RORA: variants seen among roughly 807,000 people sequenced by gnomAD.
RORA encodes RAR related orphan receptor A.
In RORA, 7 loss-of-function variants were observed where a neutral mutation model predicts 69.5. The ratio of observed to expected loss-of-function variants is 0.10; its 90% CI spans 0.06 to 0.19. The LOEUF is 0.19. RORA is among the 10% of genes least tolerant of loss of function. The pLI is 1.00. For synonymous variants in RORA, 261 were observed against 240.8 expected (o/e 1.08, Z -0.78); for missense variants, 457 against 663.0 (o/e 0.69, Z 3.41).
intron 1 of RORA, among the ~76,000 whole-genome samples, chr15:61,164,617 GC>G (rs1258656992): frequency 6.6e-6 from 1 of 152,184 alleles, no homozygotes; most frequent in Non-Finnish European, 1.5e-5. Flanking sequence ...CTCCAGCAAA[GC>G]CCTTTCCTCC....
At chr15:60,962,004 T>C (rs1171706412) in intron 1 of RORA, among the ~76,000 whole-genome samples, 1 of 152,210 alleles carries the variant, frequency 6.6e-6, no homozygotes, top group East Asian at 1.9e-4. Flanking sequence ...CAGATTCTGT[T>C]GGAACATTGA....
At chr15:60,732,703 C>T (rs1038018698) in intron 1 of RORA, among the ~76,000 whole-genome samples, 12 of 152,006 alleles carry the variant, frequency 7.9e-5, no homozygotes. Context: ...TGTACACACA[C>T]CCCCCTTTAC....
In RORA at chr15:61,218,417, T is replaced by A. The variant is rs145513844; in HGVS notation, c.166+10636A>T. ...TGACCCATCCTGAAACACTGAGATGTTCTGTGTAACATACTAAGTTCAGAA... is the reference window on the plus strand; with the variant it reads ...TGACCCATCCTGAAACACTGAGATGATCTGTGTAACATACTAAGTTCAGAA... On this transcript the variant is annotated intron_variant, in intron 1 of 10. Transcript: ENST00000335670. 1.3e-3 allele frequency among the ~76,000 whole-genome samples: 200 copies of A among 152,272 alleles called. 1 individual carries two copies. The highest frequency in any genetic ancestry group is 4.7e-3 in the African/African-American group (196 of 41,538).
At chr15:61,101,724 G>A (rs985120709) in intron 1 of RORA, among the ~76,000 whole-genome samples, 4 of 151,996 alleles carry the variant, frequency 2.6e-5, no homozygotes, top group Non-Finnish European at 2.9e-5. Flanking sequence ...GTGCATTTCC[G>A]AAAGGACATT....
chr15:61,007,678 A>G (rs143358403), intron 1 of RORA, among the ~76,000 whole-genome samples: 1 of 150,366 alleles, frequency 6.7e-6, no homozygotes, highest in Non-Finnish European at 1.5e-5. Flanking sequence ...AAGATTTTTA[A>G]GCATAAAAAT....
rs200215973 is a variant in RORA at position 60,511,480 on chromosome 15, G to A, written c.566C>T (p.Ser189Leu). ...AEPLTPTYNISANGLTELHDD... is the reference protein window; with the variant it reads ...AEPLTPTYNILANGLTELHDD... The stretch of plus-strand genomic sequence containing the variant: ...GTGAAGTTCCGTCAGCCCGTTGGCC[G>A]AGATGTTGTAGGTGGGCGTCAGCGG... Residue 189 changes from serine (S) to leucine (L), a missense_variant, in exon 5 of 11, where the codon TCG becomes TTG. Physicochemically the swap from Ser to Leu is moderately radical, Grantham distance 145 (BLOSUM62 -2). Around this residue, in one of 3 missense-constraint regions of RORA, gnomAD observed 304 missense variants for 447.4 expected, o/e 0.68. Transcript: ENST00000335670. The surrounding 1 kb of genome is among the most constrained non-coding windows in gnomAD (Gnocchi z 6.4). The A allele has an allele frequency of 1.2e-5, 19 of 1,614,058 alleles. No individual in the cohort carries two copies. The highest frequency in any genetic ancestry group is 3.3e-4 in the Middle Eastern group (2 of 6,084).
At chr15:60,756,481 G>A (rs903991414) in intron 1 of RORA, among the ~76,000 whole-genome samples, 2 of 152,154 alleles carry the variant, frequency 1.3e-5, no homozygotes, top group African/African-American at 4.8e-5. Context: ...ATATGTCAAA[G>A]TATTCTTCAC....
At chr15:60,894,130 A>G (rs964744495) in intron 1 of RORA, among the ~76,000 whole-genome samples, 1 of 152,146 alleles carries the variant, frequency 6.6e-6, no homozygotes, top group African/African-American at 2.4e-5. Flanking sequence ...TCCACCAGCC[A>G]CGCGGCCCGC....
intron 1 of RORA, among the ~76,000 whole-genome samples, chr15:61,060,730 T>A (rs900644660): frequency 6.6e-6 from 1 of 152,094 alleles, no homozygotes; most frequent in Admixed American, 6.5e-5. Context: ...GAATCTTACA[T>A]CAAGACAATG....
At chr15:60,865,977 T>C (rs2073482878) in intron 1 of RORA, among the ~76,000 whole-genome samples, 1 of 150,978 alleles carries the variant, frequency 6.6e-6, no homozygotes, top group African/African-American at 2.4e-5. Context: ...ACATGTGATA[T>C]TTTGATACAA....
At chr15:60,644,791 C>A (rs1276771925) in intron 2 of RORA, among the ~76,000 whole-genome samples, 3 of 152,130 alleles carry the variant, frequency 2.0e-5, no homozygotes. Context: ...AGCCACTTGG[C>A]CTAATGAACA....
At chr15:60,802,947 G>C (rs930118656) in intron 1 of RORA, among the ~76,000 whole-genome samples, 21 of 144,588 alleles carry the variant, frequency 1.5e-4, no homozygotes, top group Non-Finnish European at 2.6e-4. Context: ...TAAATGTTTT[G>C]TTTCTTTTTT....
intron 1 of RORA, among the ~76,000 whole-genome samples, chr15:61,098,260 T>C (rs2078825715): frequency 8.1e-6 from 1 of 123,774 alleles, no homozygotes; most frequent in Non-Finnish European, 1.8e-5. Context: ...CCCCTTTTTT[T>C]CTCCCTCCCT....
At chr15:60,946,387 C>A (rs1329443055) in intron 1 of RORA, among the ~76,000 whole-genome samples, 1 of 152,238 alleles carries the variant, frequency 6.6e-6, no homozygotes, top group East Asian at 1.9e-4. Context: ...TCTGCCTCAG[C>A]CTGCCGAGTG....
chr15:60,687,470 G>C (rs1172895245), intron 1 of RORA, among the ~76,000 whole-genome samples: 2 of 152,186 alleles, frequency 1.3e-5, no homozygotes, highest in African/African-American at 4.8e-5. Context: ...CTGGATAAAA[G>C]CTCAAGAAAA....
intron 1 of RORA, chr15:61,176,480 T>A (rs1651249616): frequency 7.3e-6 from 1 of 136,580 alleles, no homozygotes; most frequent in Non-Finnish European, 1.6e-5. Flanking sequence ...ATATTTCTTT[T>A]TACTTTCATG....
chr15:60,701,857 C>T (rs1292234982), intron 1 of RORA, among the ~76,000 whole-genome samples: 1 of 152,178 alleles, frequency 6.6e-6, no homozygotes, highest in Non-Finnish European at 1.5e-5. Flanking sequence ...GAGCCTGTTA[C>T]ATCAGTCTTT....
intron 1 of RORA, among the ~76,000 whole-genome samples, chr15:61,220,285 G>C (rs1460518315): frequency 6.6e-6 from 1 of 152,180 alleles, no homozygotes; most frequent in African/African-American, 2.4e-5. Context: ...CAGTTGCCCT[G>C]TCCCTTCAGA....
At chr15:61,219,172 A>T in intron 1 of RORA, among the ~76,000 whole-genome samples, 1 of 152,236 alleles carries the variant, frequency 6.6e-6, no homozygotes, top group Middle Eastern at 3.2e-3. Context: ...GGGGTTAAAA[A>T]ATAACAATTA....
Sources: gnomAD v4.1 joint callset for allele counts (sites outside exome capture counted in the v4.1 genomes callset) on GRCh38, gnomAD v4.1.1 for gene constraint, gnomAD v4.1.1 regional missense constraint, Gnocchi (gnomAD v3.1) non-coding constraint, MANE v1.5 for transcripts, NCBI Gene and HGNC (gene_info 2026-07-23, HGNC 2026-07-21) for gene names.